MYH14: variants seen among roughly 807,000 people sequenced by gnomAD.
MYH14 encodes the protein myosin-14.
In MYH14, 123 loss-of-function variants were observed where a neutral mutation model predicts 255.5. That is an observed-to-expected ratio of 0.48 (90% CI 0.42 to 0.56). The LOEUF (loss-of-function observed/expected upper bound fraction) is 0.56, where lower values mean the gene tolerates loss of function less well. Among genes scored for constraint, MYH14 ranks in the 20% least tolerant of loss-of-function variants. The probability of loss-of-function intolerance (pLI) is 0.00; values close to 1 mark genes in which losing one functional copy is unlikely to be tolerated. For missense variants in MYH14, 2,423 were observed against 2,802.3 expected (o/e 0.86, Z 3.06); for synonymous variants, 1,095 against 1,161.2 (o/e 0.94, Z 1.16).
chr19:50,246,420 A>ACGGG (rs199836588), intron 11 of MYH14, among the ~76,000 whole-genome samples: 2,090 of 152,136 alleles, frequency 0.014, 43 homozygotes, highest in African/African-American at 0.048. Flanking sequence ...CCCTGGGATT[A>ACGGG]CGGGCGTGAG....
At position 50,293,229 on chromosome 19, in the gene MYH14, A is replaced by G. The variant is rs1048982062; in HGVS notation, c.5257-4A>G. ...ACCCACCGGCCACCCCTCCATCATC[A>G]CAGGAACTGGCCGCCTCGGACCGTG... is the stretch of plus-strand genomic sequence containing the variant. On this transcript the variant is annotated splice_region_variant and splice_polypyrimidine_tract_variant and intron_variant, in intron 37 of 42. Transcript: ENST00000642316. This position sits in a 1 kb window ranked among gnomAD's most constrained non-coding sequence, Gnocchi z 4.1. 1.1e-5 allele frequency: 17 copies of G among 1,599,924 alleles called. No individual in the cohort carries two copies. The highest frequency in any genetic ancestry group is 1.4e-5 in the Non-Finnish European group (17 of 1,173,650).
intron 12 of MYH14, 98 bp from the exon 13 acceptor site, chr19:50,248,888 TA>T: frequency 7.5e-7 from 1 of 1,338,474 alleles, no homozygotes; most frequent in Non-Finnish European, 1.0e-6. Context: ...GAGGCGACCT[TA>T]AGGGGGACGA....
intron 16 of MYH14, among the ~76,000 whole-genome samples, chr19:50,254,681 C>A (rs2034526949): frequency 6.6e-6 from 1 of 152,190 alleles, no homozygotes; most frequent in African/African-American, 2.4e-5. Context: ...TTCCCAGATT[C>A]AAGGAGCTGC....
intron 21 of MYH14, among the ~76,000 whole-genome samples, chr19:50,262,734 C>T (rs962320371): frequency 6.6e-6 from 1 of 151,894 alleles, no homozygotes; most frequent in African/African-American, 2.4e-5. Context: ...GAGAAGGAGG[C>T]CAGGCAGAGG....
At chr19:50,249,373 C>T (rs2034266981) in intron 13 of MYH14, 1 of 627,284 alleles carries the variant, frequency 1.6e-6, no homozygotes, top group East Asian at 2.8e-5. Context: ...GGGTCTCTGT[C>T]CCCCTCTCTC....
chr19:50,230,455 G>T lies in MYH14; in HGVS notation c.875-70G>T. 7.3e-7 allele frequency: 1 copy of T among 1,373,674 alleles called. No homozygotes were observed. Among genetic ancestry groups the T allele is most frequent in the Non-Finnish European group, 1.0e-6 (1 of 987,048 alleles). 85.1% of individuals were successfully genotyped at this position (1,373,674 alleles called of 1,614,324 possible). A position where few individuals can be genotyped will look rare whatever the true frequency, so the allele number is the denominator to read the frequency against. ...AGAAGGGGGCAGCGTGGGCAGGGCA[G>T]GCTCCTGTAGTGGCCTGGCAGCGTC... On this transcript the variant is annotated intron_variant, in intron 8 of 42. Transcript: ENST00000642316. The surrounding 1 kb of genome is among the most constrained non-coding windows in gnomAD (Gnocchi z 4.7).
Position 50,230,844 on chromosome 19 carries a change from C to T in MYH14, c.973+221C>T, listed in dbSNP as rs2033343809. 2 of 536,134 alleles carry T rather than the reference C, an allele frequency of 3.7e-6. No individual in the cohort carries two copies. The highest frequency in any genetic ancestry group is 6.2e-5 in the East Asian group (2 of 32,448). 33.2% of individuals were successfully genotyped at this position (536,134 alleles called of 1,614,324 possible). A position where few individuals can be genotyped will look rare whatever the true frequency, so the allele number is the denominator to read the frequency against. On this transcript the variant is annotated intron_variant, in intron 9 of 42. Transcript: ENST00000642316. This position sits in a 1 kb window ranked among gnomAD's most constrained non-coding sequence, Gnocchi z 4.7. ...TTCCAGCTCTGTCCCGGGTCTGGCTCGCGCCCGCTGTCACGGCCACGCAGC... is the reference window on the plus strand; with the variant it reads ...TTCCAGCTCTGTCCCGGGTCTGGCTTGCGCCCGCTGTCACGGCCACGCAGC...
At chr19:50,249,401 T>C in intron 13 of MYH14, 1 of 594,072 alleles carries the variant, frequency 1.7e-6, no homozygotes. Context: ...CTCTGTCCTC[T>C]CTCTCTGCAT....
chr19:50,260,732 C>G lies in MYH14; in HGVS notation c.2424+17C>G. The stretch of plus-strand genomic sequence containing the variant: ...GAAAAGATGGTGAGTGGGGCAGAGC[C>G]TGGAATGCGTGTGTGCGTGTGTGTG... On this transcript the variant is annotated intron_variant, in intron 20 of 42. Coordinates refer to ENST00000642316, the MANE Select transcript of MYH14 (RefSeq NM_001145809.2). The G allele has an allele frequency of 6.3e-7, 1 of 1,585,648 alleles. No homozygotes were observed. The highest frequency in any genetic ancestry group is 8.6e-7 in the Non-Finnish European group (1 of 1,167,174).
At chr19:50,204,561 A>AT (rs1209771183) in intron 1 of MYH14, among the ~76,000 whole-genome samples, 1 of 152,162 alleles carries the variant, frequency 6.6e-6, no homozygotes, top group African/African-American at 2.4e-5. Flanking sequence ...TCCACATCAG[A>AT]GAAATGGACA....
chr19:50,222,976 T>A, intron 3 of MYH14, 107 bp from the exon 4 acceptor site: 2 of 1,127,218 alleles, frequency 1.8e-6, no homozygotes, highest in Non-Finnish European at 2.7e-6. Context: ...AAGCTTTTCC[T>A]TACTCCCTGG....
chr19:50,245,216 C>T lies in MYH14; in HGVS notation c.1210+879C>T, dbSNP rs1303769855. Among the ~76,000 whole-genome samples the T allele has an allele frequency of 3.3e-5, 5 of 151,818 alleles. No individual in the cohort carries two copies. The East Asian group carries it at 9.7e-4, about 29-fold the overall frequency. On this transcript the variant is annotated intron_variant, in intron 11 of 42. Transcript: ENST00000642316. ...GGCAGATCACTTGAGGCCATGAGTT[C>T]GAGACCAGCCTGGCCAACATGACAA...
At chr19:50,251,388 G>C (rs1041750403) in intron 15 of MYH14, among the ~76,000 whole-genome samples, 5 of 151,906 alleles carry the variant, frequency 3.3e-5, no homozygotes, top group Non-Finnish European at 7.4e-5. Context: ...AAACAGTTTC[G>C]AGGGCTCTCT....
chr19:50,289,714 G>A, intron 35 of MYH14, 66 bp downstream of exon 35: 1 of 1,440,366 alleles, frequency 6.9e-7, no homozygotes, highest in Non-Finnish European at 9.4e-7. Context: ...TGTACAGGCA[G>A]CAAGAAGGGC....
intron 41 of MYH14, among the ~76,000 whole-genome samples, chr19:50,308,062 GA>G (rs1053871502): frequency 5.3e-5 from 8 of 152,094 alleles, no homozygotes; most frequent in Non-Finnish European, 1.2e-4. Flanking sequence ...GGGCTATGAA[GA>G]AAAAAAGTGA....
At chr19:50,259,669 G>A (rs531842683) in intron 19 of MYH14, among the ~76,000 whole-genome samples, 3 of 151,906 alleles carry the variant, frequency 2.0e-5, no homozygotes, top group Admixed American at 1.3e-4. Context: ...ACCTGAGGTC[G>A]GAAGTTCGAG....
intron 41 of MYH14, chr19:50,308,595 G>A (rs1183673122): frequency 5.5e-6 from 1 of 182,196 alleles, no homozygotes; most frequent in African/African-American, 2.4e-5. Flanking sequence ...GGTAGGGTCT[G>A]GGGAGGATCT....
At chr19:50,219,985 G>C (rs1464726182) in intron 3 of MYH14, among the ~76,000 whole-genome samples, 4 of 152,076 alleles carry the variant, frequency 2.6e-5, no homozygotes, top group African/African-American at 9.7e-5. Flanking sequence ...AGAATTGCTT[G>C]AGTTCAGGAG....
intron 21 of MYH14, among the ~76,000 whole-genome samples, chr19:50,262,247 C>G (rs76709464): frequency 0.012 from 1,776 of 152,238 alleles, 31 homozygotes; most frequent in African/African-American, 0.041. Context: ...GCGGGAGAGT[C>G]TCCTTCCTCC....
Sources: allele counts gnomAD v4.1 joint callset (sites outside exome capture counted in the v4.1 genomes callset), GRCh38; gene constraint gnomAD v4.1.1; non-coding constraint Gnocchi (gnomAD v3.1); transcripts MANE v1.5; gene names NCBI Gene and HGNC (gene_info 2026-07-23, HGNC 2026-07-21).